CWF19L2: variants seen among roughly 807,000 people sequenced by gnomAD.
CWF19L2 encodes the protein CWF19 like cell cycle control factor 2.
A neutral mutation model predicts 111.7 loss-of-function variants in CWF19L2; 98 were observed. That is an observed-to-expected ratio of 0.88 (90% CI 0.75 to 1.04). CWF19L2 has a LOEUF of 1.04. Among genes scored for constraint, CWF19L2 ranks in the 50% least tolerant of loss-of-function variants. The probability of loss-of-function intolerance (pLI) is 0.00; values close to 1 mark genes in which losing one functional copy is unlikely to be tolerated. For missense variants in CWF19L2, 1,101 were observed against 1,051.4 expected, an observed-to-expected ratio of 1.05 and a Z score of -0.65; for synonymous variants, 351 against 342.9, an observed-to-expected ratio of 1.02 and a Z score of -0.26.
At chr11:107,453,385 A>G (rs562491473) in intron 3 of CWF19L2, among the ~76,000 whole-genome samples, 1 of 152,208 alleles carries the variant, frequency 6.6e-6, no homozygotes, top group East Asian at 1.9e-4. Context: ...AAGGCTGCAC[A>G]ATGTGCAGCT....
chr11:107,330,061 C>A, intron 16 of CWF19L2, 42 bp from the exon 17 acceptor site: 1 of 1,273,072 alleles, frequency 7.9e-7, no homozygotes. Context: ...CAGTATGAAA[C>A]CAGAAAGTTA....
At chr11:107,388,484 G>A (rs1006485868) in intron 12 of CWF19L2, among the ~76,000 whole-genome samples, 17 of 152,204 alleles carry the variant, frequency 1.1e-4, no homozygotes, top group Non-Finnish European at 1.3e-4. Flanking sequence ...CCGGGTTCCA[G>A]GGATTCTCCT....
intron 9 of CWF19L2, among the ~76,000 whole-genome samples, chr11:107,416,625 G>A (rs1298073286): frequency 1.3e-5 from 2 of 151,948 alleles, no homozygotes; most frequent in Non-Finnish European, 2.9e-5. Flanking sequence ...TTTCAACTTC[G>A]GTTATTGGTA....
intron 12 of CWF19L2, among the ~76,000 whole-genome samples, chr11:107,356,139 A>C (rs1330867422): frequency 1.3e-5 from 2 of 152,228 alleles, no homozygotes; most frequent in East Asian, 3.8e-4. Flanking sequence ...ATGACCCATG[A>C]ATCAACAACA....
intron 12 of CWF19L2, among the ~76,000 whole-genome samples, chr11:107,387,445 A>C (rs1860784391): frequency 7.6e-6 from 1 of 131,862 alleles, no homozygotes; most frequent in South Asian, 2.9e-4. Context: ...CCTTGCTAAA[A>C]ACAAAACAAA....
chr11:107,331,628 C>T (rs1463098932), intron 16 of CWF19L2, among the ~76,000 whole-genome samples: 1 of 152,152 alleles, frequency 6.6e-6, no homozygotes, highest in African/African-American at 2.4e-5. Flanking sequence ...CAAAAGAAAC[C>T]CACTTTGTAC....
At chr11:107,441,722 T>A in intron 4 of CWF19L2, 100 bp from the exon 5 acceptor site, 1 of 1,240,374 alleles carries the variant, frequency 8.1e-7, no homozygotes, top group Non-Finnish European at 1.0e-6. Context: ...AGCAGGGACT[T>A]TGGAGGCAAT....
intron 5 of CWF19L2, among the ~76,000 whole-genome samples, 153 bp downstream of exon 5, chr11:107,441,350 A>C (rs1861616000): frequency 6.6e-6 from 1 of 152,162 alleles, no homozygotes; most frequent in African/African-American, 2.4e-5. Flanking sequence ...TATTTTTCTT[A>C]AACTGATGTA....
At chr11:107,393,291 C>T (rs1860875354) in intron 10 of CWF19L2, among the ~76,000 whole-genome samples, 1 of 152,090 alleles carries the variant, frequency 6.6e-6, no homozygotes, top group Non-Finnish European at 1.5e-5. Flanking sequence ...GACAAACTTG[C>T]TAAATTAGCA....
At chr11:107,392,401 G>A (rs931612104) in intron 11 of CWF19L2, among the ~76,000 whole-genome samples, 1 of 152,086 alleles carries the variant, frequency 6.6e-6, no homozygotes, top group Non-Finnish European at 1.5e-5. Flanking sequence ...TACTGTGTAT[G>A]GATACCCCAT....
rs72996182 is a variant in CWF19L2, at chr11:107,396,056, C to T, written c.1618-3161G>A. Among the ~76,000 whole-genome samples the T allele has an allele frequency of 8.3e-3, 1,271 of 152,288 alleles. 8 individuals are homozygous for T. The highest frequency in any genetic ancestry group is 0.014 in the Non-Finnish European group (964 of 68,012). On this transcript the variant is annotated intron_variant, in intron 10 of 17. Transcript: ENST00000282251. ...TTTCTGTTCCTTAGGACTGCCAATA[C>T]GTAAGACCCCAAGTTGCTCCATTTT... is the stretch of plus-strand genomic sequence containing the variant.
At chr11:107,427,068 A>G (rs1163147366) in intron 8 of CWF19L2, among the ~76,000 whole-genome samples, 1 of 152,086 alleles carries the variant, frequency 6.6e-6, no homozygotes, top group Non-Finnish European at 1.5e-5. Context: ...AGGTAAAGAT[A>G]TATGAACAAT....
chr11:107,411,117 ACT>A (rs922043375), intron 10 of CWF19L2, among the ~76,000 whole-genome samples: 18 of 143,248 alleles, frequency 1.3e-4, no homozygotes, highest in African/African-American at 4.4e-4. Flanking sequence ...ACACACACAC[ACT>A]ATCATAAAAC....
chr11:107,447,054 C>T lies in CWF19L2; in HGVS notation c.340-4005G>A, dbSNP rs565462283. 3.9e-5 allele frequency among the ~76,000 whole-genome samples: 6 copies of T among 152,262 alleles called. No individual in the cohort carries two copies. In the South Asian group the frequency reaches 1.0e-3, roughly 26 times the overall value. On this transcript the variant is annotated intron_variant, in intron 3 of 17. Transcript: ENST00000282251. Reference sequence around the variant, plus strand: ...TGGAACTAAGACAGAAAAGTGCTACCAGCAAAACTCAAGGGATCTTGAGGA... The same window carrying T: ...TGGAACTAAGACAGAAAAGTGCTACTAGCAAAACTCAAGGGATCTTGAGGA...
intron 10 of CWF19L2, among the ~76,000 whole-genome samples, chr11:107,401,190 A>C (rs1237733500): frequency 6.6e-6 from 1 of 152,160 alleles, no homozygotes; most frequent in Non-Finnish European, 1.5e-5. Context: ...ACTCCTCTTC[A>C]ACACAGTACT....
chr11:107,410,827 G>A (rs937016947), intron 10 of CWF19L2, among the ~76,000 whole-genome samples: 7 of 152,076 alleles, frequency 4.6e-5, no homozygotes, highest in Admixed American at 4.6e-4. Flanking sequence ...TTCTCTATGT[G>A]GCTCCTTTTG....
intron 8 of CWF19L2, among the ~76,000 whole-genome samples, chr11:107,418,801 G>A (rs1271774204): frequency 6.6e-6 from 1 of 152,084 alleles, no homozygotes; most frequent in African/African-American, 2.4e-5. Context: ...TTTAAAACTG[G>A]TATCATGTGC....
Position 107,393,483 on chromosome 11 carries a change from A to C in CWF19L2, c.1618-588T>G, listed in dbSNP as rs1438359839. Among the ~76,000 whole-genome samples the C allele has an allele frequency of 2.0e-5, 3 of 152,318 alleles. No individual in the cohort carries two copies. In the East Asian group the frequency reaches 5.8e-4, roughly 29 times the overall value. Reference sequence around the variant, plus strand: ...GAATAAGAGTAAACTTTATTCTCTAATGGAAATGGAATGTTATTGGAAGGA... The same window carrying C: ...GAATAAGAGTAAACTTTATTCTCTACTGGAAATGGAATGTTATTGGAAGGA... On this transcript the variant is annotated intron_variant, in intron 10 of 17. Transcript: ENST00000282251.
At chr11:107,426,443 C>T (rs1861377843) in intron 8 of CWF19L2, among the ~76,000 whole-genome samples, 1 of 151,800 alleles carries the variant, frequency 6.6e-6, no homozygotes, top group Non-Finnish European at 1.5e-5. Flanking sequence ...TACTCTTTGA[C>T]CTGACAGTTC....
Sources: gnomAD v4.1 joint callset for allele counts (sites outside exome capture counted in the v4.1 genomes callset) on GRCh38, gnomAD v4.1.1 for gene constraint, MANE v1.5 for transcripts, NCBI Gene and HGNC (gene_info 2026-07-23, HGNC 2026-07-21) for gene names.